Variants in LAMA3 observed in about 807,000 individuals in gnomAD.
LAMA3 encodes laminin subunit alpha-3.
Under a neutral mutation model 402.0 loss-of-function variants are expected in LAMA3, and 281 were observed. That is an observed-to-expected ratio of 0.70 (90% CI 0.63 to 0.77). The LOEUF (loss-of-function observed/expected upper bound fraction) is 0.77, where lower values mean the gene tolerates loss of function less well. Ranked by LOEUF, LAMA3 falls within the 30% of genes least tolerant of loss-of-function variation. LAMA3 has a pLI of 0.00. For missense variants in LAMA3, 3,840 were observed against 4,215.5 expected, an observed-to-expected ratio of 0.91 and a Z score of 2.47; for synonymous variants, 1,431 against 1,558.4, an observed-to-expected ratio of 0.92 and a Z score of 1.93.
intron 52 of LAMA3, among the ~76,000 whole-genome samples, chr18:23,906,699 C>T (rs2081260461): frequency 6.6e-6 from 1 of 152,028 alleles, no homozygotes; most frequent in Non-Finnish European, 1.5e-5. Context: ...AAATAAAATA[C>T]CAAAAAAGTA....
intron 11 of LAMA3, among the ~76,000 whole-genome samples, chr18:23,783,420 T>G (rs1017038955): frequency 2.0e-5 from 3 of 152,182 alleles, no homozygotes; most frequent in Non-Finnish European, 4.4e-5. Context: ...ATGTTTGAAC[T>G]GACACCTGGT....
At chr18:23,818,005 A>G (rs756347268) in intron 18 of LAMA3, among the ~76,000 whole-genome samples, 15 of 152,044 alleles carry the variant, frequency 9.9e-5, no homozygotes, top group Non-Finnish European at 1.8e-4. Context: ...AATACAAAAA[A>G]TTAGCCAGGC....
At chr18:23,921,691 C>G (rs2081845715) in intron 62 of LAMA3, 106 bp downstream of exon 62, 1 of 1,136,964 alleles carries the variant, frequency 8.8e-7, no homozygotes, top group South Asian at 1.3e-5. Flanking sequence ...CAAACAAACA[C>G]AAAAAGTTAA....
At chr18:23,889,002 G>T (rs1228360959) in intron 41 of LAMA3, among the ~76,000 whole-genome samples, 4 of 151,744 alleles carry the variant, frequency 2.6e-5, no homozygotes, top group Admixed American at 2.6e-4. Context: ...CCAGTAATGA[G>T]TTCTCATTAC....
chr18:23,941,601 C>T (rs1038477014), intron 68 of LAMA3, among the ~76,000 whole-genome samples: 7 of 152,134 alleles, frequency 4.6e-5, no homozygotes, highest in Non-Finnish European at 1.0e-4. Context: ...TACATTCTAG[C>T]AGTGTTCTGA....
At chr18:23,732,384 C>T (rs2061408484) in intron 2 of LAMA3, among the ~76,000 whole-genome samples, 1 of 152,164 alleles carries the variant, frequency 6.6e-6, no homozygotes, top group African/African-American at 2.4e-5. Context: ...TGGGAATGAA[C>T]ATGGTATGTT....
intron 5 of LAMA3, 127 bp from the exon 6 acceptor site, chr18:23,753,594 A>G (rs989185609): frequency 1.5e-5 from 11 of 724,882 alleles, no homozygotes; most frequent in African/African-American, 1.2e-4. Flanking sequence ...TTACATCCCA[A>G]TGTAGGGCTC....
At chr18:23,913,670 T>C (rs1474906507) in intron 56 of LAMA3, among the ~76,000 whole-genome samples, 1 of 152,230 alleles carries the variant, frequency 6.6e-6, no homozygotes, top group African/African-American at 2.4e-5. Context: ...TAAAGATTCT[T>C]AAAATCAACA....
chr18:23,699,176 C>G (rs2060746337), intron 1 of LAMA3, among the ~76,000 whole-genome samples: 1 of 152,234 alleles, frequency 6.6e-6, no homozygotes, highest in Non-Finnish European at 1.5e-5. Context: ...CCTGAGGCCC[C>G]TGAGGCGGGA....
intron 6 of LAMA3, among the ~76,000 whole-genome samples, chr18:23,756,471 A>C (rs1296524558): frequency 1.4e-5 from 2 of 144,418 alleles, no homozygotes; most frequent in Admixed American, 6.8e-5. Flanking sequence ...CGCCAAAAAA[A>C]ACCCAAAAAA....
At position 23,955,059 on chromosome 18, in the gene LAMA3, T is replaced by C. The variant is rs2083064711; in HGVS notation, c.*411T>C. The C allele has an allele frequency of 4.0e-6, 1 of 252,980 alleles. No individual in the cohort carries two copies. The highest frequency in any genetic ancestry group is 5.2e-5 in the Admixed American group (1 of 19,224). 15.7% of individuals were successfully genotyped at this position (252,980 alleles called of 1,614,324 possible). Reference sequence around the variant, plus strand: ...TATGGAATTAAAAAATGCAGTGTAGTCCTTAAATTATGATGTTTTATTAGC... The same window carrying C: ...TATGGAATTAAAAAATGCAGTGTAGCCCTTAAATTATGATGTTTTATTAGC... On this transcript the variant is annotated 3_prime_UTR_variant, in exon 75 of 75. Transcript: ENST00000313654.
At chr18:23,885,035 C>T (rs187284638) in intron 41 of LAMA3, among the ~76,000 whole-genome samples, 182 bp downstream of exon 41, 4 of 152,184 alleles carry the variant, frequency 2.6e-5, no homozygotes, top group East Asian at 1.9e-4. Context: ...CATTCTCTTT[C>T]CTGCTTTGTA....
chr18:23,920,908 G>A (rs2081812774), intron 60 of LAMA3, 27 bp from the exon 61 acceptor site: 2 of 1,613,192 alleles, frequency 1.2e-6, no homozygotes, highest in South Asian at 2.2e-5. Flanking sequence ...AAGCCTTCTG[G>A]TCATCTGCAT....
chr18:23,864,505 G>T (rs1220320475), intron 35 of LAMA3, among the ~76,000 whole-genome samples: 1 of 152,100 alleles, frequency 6.6e-6, no homozygotes, highest in Non-Finnish European at 1.5e-5. Flanking sequence ...GGGATTATAG[G>T]CATGAGCTAC....
At chr18:23,909,012 T>C (rs1476616928) in intron 54 of LAMA3, 141 bp from the exon 55 acceptor site, 1 of 762,678 alleles carries the variant, frequency 1.3e-6, no homozygotes, top group Non-Finnish European at 2.3e-6. Context: ...AGGGGGGAAC[T>C]ACCGTAACTA....
intron 42 of LAMA3, among the ~76,000 whole-genome samples, chr18:23,893,951 C>T (rs1340270110): frequency 6.6e-6 from 1 of 152,128 alleles, no homozygotes; most frequent in African/African-American, 2.4e-5. Flanking sequence ...GAAAACATGG[C>T]CCTTTATAGA....
chr18:23,932,038 G>A, intron 65 of LAMA3, 122 bp from the exon 66 acceptor site: 1 of 1,188,878 alleles, frequency 8.4e-7, no homozygotes. Context: ...ATAAAGTCTA[G>A]TTTCACTAGT....
rs1397391771 is a variant in LAMA3 at position 23,810,615 on chromosome 18, AT to A, written c.1741+113del. The stretch of plus-strand genomic sequence containing the variant: ...CAGACTCACCACTGGCCACCCCCAC[AT>A]CCTGCTTTCACAGATCTAGTCTGCT... On this transcript the variant is annotated intron_variant, in intron 13 of 74. Coordinates refer to ENST00000313654, the MANE Select transcript of LAMA3 (RefSeq NM_198129.4). The A allele has an allele frequency of 3.4e-6, 4 of 1,190,760 alleles. No individual in the cohort carries two copies. The African/African-American group carries it at 6.0e-5, about 18-fold the overall frequency. 73.8% of individuals were successfully genotyped at this position (1,190,760 alleles called of 1,614,324 possible).
intron 67 of LAMA3, among the ~76,000 whole-genome samples, chr18:23,934,263 C>T (rs1193348852): frequency 1.3e-5 from 2 of 152,152 alleles, no homozygotes; most frequent in Non-Finnish European, 2.9e-5. Context: ...AATATAAGGG[C>T]CATGCTCCTC....
Sources: gnomAD v4.1 joint callset for allele counts (sites outside exome capture counted in the v4.1 genomes callset) on GRCh38, gnomAD v4.1.1 for gene constraint, MANE v1.5 for transcripts, NCBI Gene and HGNC (gene_info 2026-07-23, HGNC 2026-07-21) for gene names.